PCDHGB5: variants seen among roughly 807,000 people sequenced by gnomAD.
PCDHGB5 encodes protocadherin gamma subfamily B, 5.
PCDHGB5 carries 48 observed loss-of-function variants against 62.9 expected under a neutral mutation model. The observed-to-expected ratio is 0.76, with a 90% CI of 0.61 to 0.97. PCDHGB5 has a LOEUF of 0.97. PCDHGB5 is among the 50% of genes least tolerant of loss of function. PCDHGB5 has a pLI of 0.00. For missense variants in PCDHGB5, 1,118 were observed against 1,198.6 expected (o/e 0.93, Z 0.99); for synonymous variants, 474 against 511.2 (o/e 0.93, Z 0.98).
At chr5:141,451,503 A>G (rs1395798374) in intron 1 of PCDHGB5, among the ~76,000 whole-genome samples, 1 of 152,234 alleles carries the variant, frequency 6.6e-6, no homozygotes, top group African/African-American at 2.4e-5. Flanking sequence ...TAGGGCAACC[A>G]GCTTCTGTTA....
chr5:141,418,542 T>G, intron 1 of PCDHGB5: 1 of 1,614,028 alleles, frequency 6.2e-7, no homozygotes, highest in Non-Finnish European at 8.5e-7. Flanking sequence ...ACTGCTCAGA[T>G]AAGAATCCTG....
At position 141,432,950 on chromosome 5, in the gene PCDHGB5, G is replaced by T. The variant is rs750033444; in HGVS notation, c.2397+32426G>T. ...ACGCCTGCTGCAGGCTTCAGGAGGCGGCTTGACAGGAGCGCCGGCGTCGCA... is the reference window on the plus strand; with the variant it reads ...ACGCCTGCTGCAGGCTTCAGGAGGCTGCTTGACAGGAGCGCCGGCGTCGCA... On this transcript the variant is annotated intron_variant, in intron 1 of 3. Coordinates refer to ENST00000617380, the MANE Select transcript of PCDHGB5 (RefSeq NM_018925.3). This position sits in a 1 kb window ranked among gnomAD's most constrained non-coding sequence, Gnocchi z 6.0. 6 of 1,614,072 alleles carry T rather than the reference G, an allele frequency of 3.7e-6. No individual in the cohort carries two copies. Among genetic ancestry groups the T allele is most frequent in the Admixed American group, 1.7e-5 (1 of 60,010 alleles).
chr5:141,422,172 C>A, intron 1 of PCDHGB5: 2 of 1,564,780 alleles, frequency 1.3e-6, no homozygotes, highest in Non-Finnish European at 1.7e-6. Context: ...AATATAGATT[C>A]TATGAGATGG....
chr5:141,415,740 G>GTTTTTTTTTTTTTTTTTTTTTTTTTT, intron 1 of PCDHGB5: 11 of 617,992 alleles, frequency 1.8e-5, no homozygotes, highest in Middle Eastern at 5.6e-4. Context: ...GTTTATTAAG[G>GTTTTTTTTTTTTTTTTTTTTTTTTTT]TTTTTTTTTT....
intron 2 of PCDHGB5, among the ~76,000 whole-genome samples, chr5:141,495,601 G>C (rs1315613802): frequency 6.6e-6 from 1 of 152,004 alleles, no homozygotes; most frequent in Non-Finnish European, 1.5e-5. Context: ...CTTAGCTTCC[G>C]TCTTGATTGC....
rs746913952 is a variant in PCDHGB5, at chr5:141,432,898, G to T, written c.2397+32374G>T. 2.5e-6 allele frequency: 4 copies of T among 1,614,174 alleles called. No individual in the cohort carries two copies. Among genetic ancestry groups the T allele is most frequent in the Admixed American group, 3.3e-5 (2 of 60,034 alleles). ...TGGCCTTCGTCATCTTGCTGCTGGC[G>T]CTCAGGCTGCGGCGCTGGCACAAGT... On this transcript the variant is annotated intron_variant, in intron 1 of 3. Coordinates refer to ENST00000617380, the MANE Select transcript of PCDHGB5 (RefSeq NM_018925.3). The surrounding 1 kb of genome is among the most constrained non-coding windows in gnomAD (Gnocchi z 6.0).
chr5:141,456,984 C>G (rs374156327), intron 1 of PCDHGB5, among the ~76,000 whole-genome samples: 1 of 152,200 alleles, frequency 6.6e-6, no homozygotes, highest in East Asian at 1.9e-4. Flanking sequence ...AACAAACAAA[C>G]AAACAAAAAC....
intron 1 of PCDHGB5, among the ~76,000 whole-genome samples, chr5:141,452,522 A>G (rs924248463): frequency 6.6e-6 from 1 of 152,310 alleles, no homozygotes; most frequent in African/African-American, 2.4e-5. Context: ...CTCCCTCAAA[A>G]TCGTGAGTTC....
intron 1 of PCDHGB5, chr5:141,441,621 G>T: frequency 4.5e-6 from 1 of 223,408 alleles, no homozygotes; most frequent in South Asian, 5.2e-5. Context: ...CGTGGCCAGT[G>T]ACCTGGAGCC....
chr5:141,477,854 C>T lies in PCDHGB5; in HGVS notation c.2398-16953C>T. Reference sequence around the variant, plus strand: ...GCCAGGTGGGAGCTCGGTGGAGATGCTGCCTCGAGGTACCTCAGCTGGCCA... The same window carrying T: ...GCCAGGTGGGAGCTCGGTGGAGATGTTGCCTCGAGGTACCTCAGCTGGCCA... On this transcript the variant is annotated intron_variant, in intron 1 of 3. Transcript: ENST00000617380. This position sits in a 1 kb window ranked among gnomAD's most constrained non-coding sequence, Gnocchi z 4.9. 1.9e-6 allele frequency: 3 copies of T among 1,614,098 alleles called. No individual in the cohort carries two copies. The South Asian group carries it at 3.3e-5, about 18-fold the overall frequency.
intron 1 of PCDHGB5, among the ~76,000 whole-genome samples, chr5:141,461,983 C>T (rs1390320490): frequency 6.6e-6 from 1 of 152,192 alleles, no homozygotes. Flanking sequence ...GCCACCACGC[C>T]AGGCTAATTT....
intron 1 of PCDHGB5, among the ~76,000 whole-genome samples, chr5:141,450,816 T>C (rs960010807): frequency 7.9e-6 from 1 of 126,568 alleles, no homozygotes; most frequent in Non-Finnish European, 1.6e-5. Context: ...ATTTATTTAA[T>C]ATTATTATTA....
At position 141,511,482 on chromosome 5, in the gene PCDHGB5, C is replaced by A. The variant is rs761434245; in HGVS notation, c.*309C>A. ...CACACCCCGTTTAGTTACAGCTGAA[C>A]TCCTCCATCTTCCAAATCAATCAGG... On this transcript the variant is annotated 3_prime_UTR_variant, in exon 4 of 4. Coordinates refer to ENST00000617380, the MANE Select transcript of PCDHGB5 (RefSeq NM_018925.3). The A allele has an allele frequency of 2.4e-4, 113 of 464,462 alleles. No homozygotes were observed. Among genetic ancestry groups the A allele is most frequent in the Non-Finnish European group, 4.0e-4 (105 of 260,154 alleles). The allele number at this position is 464,462 out of a possible 1,614,324, so 28.8% of individuals were successfully genotyped here. A position where few individuals can be genotyped will look rare whatever the true frequency, so the allele number is the denominator to read the frequency against.
intron 1 of PCDHGB5, among the ~76,000 whole-genome samples, chr5:141,460,979 GTGTGTATATA>G (rs143444831): frequency 0.04 from 5,417 of 134,264 alleles, 125 homozygotes; most frequent in South Asian, 0.082. Context: ...GTGTGTGTGT[GTGTGTATATA>G]TATATATGTG....
At chr5:141,466,871 T>G (rs1432611218) in intron 1 of PCDHGB5, among the ~76,000 whole-genome samples, 1 of 152,166 alleles carries the variant, frequency 6.6e-6, no homozygotes, top group Admixed American at 6.5e-5. Flanking sequence ...ATCCACACAT[T>G]TTTTTCATAA....
At chr5:141,500,959 C>T (rs2099804326) in intron 2 of PCDHGB5, among the ~76,000 whole-genome samples, 1 of 152,022 alleles carries the variant, frequency 6.6e-6, no homozygotes, top group South Asian at 2.1e-4. Flanking sequence ...AGCTCCACCT[C>T]CTGGGTTCAA....
At chr5:141,413,664 T>G in intron 1 of PCDHGB5, 1 of 1,613,858 alleles carries the variant, frequency 6.2e-7, no homozygotes, top group Non-Finnish European at 8.5e-7. Flanking sequence ...AAGCTATTGA[T>G]CCGGATGTGG....
intron 1 of PCDHGB5, chr5:141,426,513 C>G (rs780618436): frequency 2.3e-5 from 8 of 341,028 alleles, no homozygotes; most frequent in African/African-American, 4.3e-5. Flanking sequence ...AATACTTTAC[C>G]GTGAACACGG....
rs201006002 is a variant in PCDHGB5, at chr5:141,432,497, C to T, written c.2397+31973C>T. 7 of 1,614,062 alleles carry T rather than the reference C, an allele frequency of 4.3e-6. 1 individual carries two copies. In the South Asian group the frequency reaches 6.6e-5, roughly 15 times the overall value. On this transcript the variant is annotated intron_variant, in intron 1 of 3. Transcript: ENST00000617380. This position sits in a 1 kb window ranked among gnomAD's most constrained non-coding sequence, Gnocchi z 6.0. Reference sequence around the variant, plus strand: ...TTCCACTGGCGTGGAGCTGGCTCCCCGCTCCGCAGAGCCCGGCTACCTGGT... The same window carrying T: ...TTCCACTGGCGTGGAGCTGGCTCCCTGCTCCGCAGAGCCCGGCTACCTGGT...
Sources: gnomAD v4.1 joint callset for allele counts (sites outside exome capture counted in the v4.1 genomes callset) on GRCh38, gnomAD v4.1.1 for gene constraint, Gnocchi (gnomAD v3.1) non-coding constraint, MANE v1.5 for transcripts, NCBI Gene and HGNC (gene_info 2026-07-23, HGNC 2026-07-21) for gene names.